ZFHX3: variants seen among roughly 807,000 people sequenced by gnomAD.
The protein encoded by ZFHX3 is zinc finger homeobox 3.
A neutral mutation model predicts 279.1 loss-of-function variants in ZFHX3; 42 were observed. The ratio of observed to expected loss-of-function variants is 0.15; its 90% CI spans 0.12 to 0.19. The LOEUF is 0.19. Among genes scored for constraint, ZFHX3 ranks in the 10% least tolerant of loss-of-function variants. The pLI, the probability that ZFHX3 is intolerant of heterozygous loss-of-function variation, is 1.00. For missense variants in ZFHX3, 4,981 were observed against 4,754.0 expected, an observed-to-expected ratio of 1.05 and a Z score of -1.40; for synonymous variants, 2,293 against 1,957.8, an observed-to-expected ratio of 1.17 and a Z score of -4.52.
intron 8 of ZFHX3, among the ~76,000 whole-genome samples, chr16:72,799,008 T>C (rs893678385): frequency 1.3e-5 from 2 of 152,258 alleles, no homozygotes; most frequent in African/African-American, 2.4e-5. Context: ...GTCTTTTAAA[T>C]AGCATTTAAT....
intron 2 of ZFHX3, among the ~76,000 whole-genome samples, chr16:73,603,372 C>T (rs1027774939): frequency 6.6e-6 from 1 of 151,780 alleles, no homozygotes; most frequent in African/African-American, 2.4e-5. Context: ...GAATTGATAA[C>T]TCTCAGATGT....
At chr16:73,654,139 G>A (rs1473364806) in intron 2 of ZFHX3, among the ~76,000 whole-genome samples, 11 of 149,246 alleles carry the variant, frequency 7.4e-5, no homozygotes, top group African/African-American at 1.0e-4. Flanking sequence ...AGCCGAGATC[G>A]TGCCACTGCA....
At chr16:72,828,215 CA>C (rs1245332485) in intron 5 of ZFHX3, among the ~76,000 whole-genome samples, 1 of 152,126 alleles carries the variant, frequency 6.6e-6, no homozygotes. Context: ...AACATTTTCT[CA>C]AAAACAAAAG....
rs1317583589 is a variant in ZFHX3, at chr16:73,363,184, C to G, written c.-1290-44848G>C. Among the ~76,000 whole-genome samples the G allele has an allele frequency of 2.6e-5, 4 of 152,288 alleles. No individual in the cohort carries two copies. The East Asian group carries it at 7.7e-4, about 29-fold the overall frequency. ...CAACCTACCATTTCACAAATGAGCCCAGCCGTGATTGACTGAGCCTGGCTC... is the reference window on the plus strand; with the variant it reads ...CAACCTACCATTTCACAAATGAGCCGAGCCGTGATTGACTGAGCCTGGCTC... On this transcript the variant is annotated intron_variant, in intron 3 of 17. Transcript: ENST00000641206.
At chr16:73,281,012 A>ACGGAGAGGAG (rs1555507732) in intron 4 of ZFHX3, among the ~76,000 whole-genome samples, 1 of 92,910 alleles carries the variant, frequency 1.1e-5, no homozygotes, top group Non-Finnish European at 2.0e-5. Context: ...AATGAAGGGA[A>ACGGAGAGGAG]AGGAGAGGAG....
intron 3 of ZFHX3, among the ~76,000 whole-genome samples, chr16:72,934,681 T>C (rs989891216): frequency 1.3e-5 from 2 of 152,196 alleles, no homozygotes; most frequent in Admixed American, 1.3e-4. Context: ...TCATAACTCT[T>C]GTGTCCGCAT....
At chr16:73,354,524 C>CCCTGTTACCTGCAGGTAACATG (rs1042777407) in intron 3 of ZFHX3, among the ~76,000 whole-genome samples, 1 of 152,202 alleles carries the variant, frequency 6.6e-6, no homozygotes, top group Admixed American at 6.5e-5. Context: ...CCCTTCCACG[C>CCCTGTTACCTGCAGGTAACATG]CCTGTTACCT....
intron 3 of ZFHX3, among the ~76,000 whole-genome samples, chr16:72,945,755 G>A (rs147145467): frequency 5.2e-4 from 79 of 152,132 alleles, no homozygotes; most frequent in Admixed American, 4.4e-3. Flanking sequence ...CACTTTCACC[G>A]GAGCTTCAAA....
intron 4 of ZFHX3, among the ~76,000 whole-genome samples, chr16:72,853,687 GGAA>G (rs1194122000): frequency 6.6e-6 from 1 of 152,224 alleles, no homozygotes; most frequent in Non-Finnish European, 1.5e-5. Context: ...GGTAGGCATT[GGAA>G]GAGAGGGCAG....
intron 1 of ZFHX3, among the ~76,000 whole-genome samples, chr16:73,697,519 C>A (rs2053208639): frequency 6.6e-6 from 1 of 152,128 alleles, no homozygotes; most frequent in African/African-American, 2.4e-5. Flanking sequence ...ATATACCTGA[C>A]AATGAAATTC....
At chr16:73,871,643 G>A (rs2029862503) in intron 1 of ZFHX3, among the ~76,000 whole-genome samples, 1 of 151,944 alleles carries the variant, frequency 6.6e-6, no homozygotes, top group African/African-American at 2.4e-5. Flanking sequence ...ATAATAACCT[G>A]AAAAGATGAC....
At chr16:72,982,269 A>G (rs1373202982) in intron 1 of ZFHX3, among the ~76,000 whole-genome samples, 1 of 152,178 alleles carries the variant, frequency 6.6e-6, no homozygotes, top group Admixed American at 6.5e-5. Flanking sequence ...TTACAGGTTT[A>G]AAAAAATAAT....
intron 2 of ZFHX3, among the ~76,000 whole-genome samples, chr16:73,458,051 G>A (rs533987609): frequency 2.0e-5 from 3 of 152,244 alleles, no homozygotes; most frequent in South Asian, 4.2e-4. Flanking sequence ...GCACCATCCC[G>A]CAATAGACAC....
intron 4 of ZFHX3, among the ~76,000 whole-genome samples, chr16:72,880,903 A>G (rs1369511422): frequency 1.3e-5 from 2 of 152,250 alleles, no homozygotes; most frequent in Non-Finnish European, 2.9e-5. Context: ...AATAAGACAT[A>G]AGTAGCAAAA....
intron 2 of ZFHX3, among the ~76,000 whole-genome samples, chr16:73,603,276 C>G (rs1472560528): frequency 1.4e-5 from 2 of 146,896 alleles, no homozygotes; most frequent in East Asian, 4.0e-4. Flanking sequence ...CAGAGCGAGA[C>G]TCCATCTCAA....
At chr16:73,178,493 TCATTTTCCTC>T in intron 5 of ZFHX3, among the ~76,000 whole-genome samples, 1 of 152,218 alleles carries the variant, frequency 6.6e-6, no homozygotes, top group Admixed American at 6.5e-5. Flanking sequence ...GACTCCTTCA[TCATTTTCCTC>T]TTTTGGATTA....
intron 1 of ZFHX3, among the ~76,000 whole-genome samples, chr16:73,714,479 G>C (rs994601057): frequency 3.3e-5 from 5 of 152,122 alleles, no homozygotes; most frequent in South Asian, 2.1e-4. Flanking sequence ...GATTCCACTA[G>C]CTTTATGTCT....
intron 1 of ZFHX3, among the ~76,000 whole-genome samples, chr16:73,762,663 C>T (rs1034774937): frequency 6.6e-6 from 1 of 152,122 alleles, no homozygotes; most frequent in African/African-American, 2.4e-5. Flanking sequence ...GGAATGAGAT[C>T]ATGTCCTTTG....
chr16:73,245,067 G>A (rs2013237868), intron 5 of ZFHX3, among the ~76,000 whole-genome samples: 1 of 152,082 alleles, frequency 6.6e-6, no homozygotes, highest in Non-Finnish European at 1.5e-5. Flanking sequence ...CTCTGTGAAG[G>A]GAGGATGGGT....
Sources: gnomAD v4.1 joint callset for allele counts (sites outside exome capture counted in the v4.1 genomes callset) on GRCh38, gnomAD v4.1.1 for gene constraint, MANE v1.5 for transcripts, NCBI Gene and HGNC (gene_info 2026-07-23, HGNC 2026-07-21) for gene names.